The following CAPN14 variants were observed in gnomAD, a reference collection of about 807,000 sequenced individuals.
CAPN14 encodes the protein calpain 14.
A neutral mutation model predicts 101.3 loss-of-function variants in CAPN14; 94 were observed. That is an observed-to-expected ratio of 0.93 (90% confidence interval 0.79 to 1.10). The LOEUF is 1.10. Among genes scored for constraint, CAPN14 ranks in the 50% least tolerant of loss-of-function variants. The pLI, the probability that CAPN14 is intolerant of heterozygous loss-of-function variation, is 0.00. For synonymous variants in CAPN14, 338 were observed against 317.9 expected (o/e 1.06, Z -0.67); for missense variants, 837 against 828.4 (o/e 1.01, Z -0.13).
At chr2:31,215,923 C>T (rs10186955) in intron 1 of CAPN14, among the ~76,000 whole-genome samples, 86,341 of 151,170 alleles carry the variant, frequency 0.57, 25,646 homozygotes, top group East Asian at 0.94. Flanking sequence ...GATACAATTC[C>T]ATTCCTGGTT....
intron 2 of CAPN14, 69 bp downstream of exon 2, chr2:31,205,154 C>T: frequency 1.5e-6 from 2 of 1,358,770 alleles, no homozygotes; most frequent in African/African-American, 1.4e-5. Flanking sequence ...TCCCATATAT[C>T]TTAGGCGCAG....
Position 31,207,014 on chromosome 2 carries a change from AG to A in CAPN14, c.-52-1516del, listed in dbSNP as rs1682132727. On this transcript the variant is annotated intron_variant, in intron 1 of 21. Transcript: ENST00000403897. ...TGGTGCTATACAGGGAGATTTTATA[AG>A]GGCTGTATCCAGAACCCAGAGCCCT... 2.0e-5 allele frequency among the ~76,000 whole-genome samples: 3 copies of A among 152,174 alleles called. No individual in the cohort carries two copies. In the South Asian group the frequency reaches 6.2e-4, roughly 31 times the overall value.
chr2:31,231,993 A>G (rs1683208065), intron 1 of CAPN14, among the ~76,000 whole-genome samples: 2 of 152,172 alleles, frequency 1.3e-5, no homozygotes, highest in Non-Finnish European at 2.9e-5. Context: ...TCTCAACAAG[A>G]GATGATCAGT....
exon 1 of CAPN14, chr2:31,233,807 T>C (rs1233270606): frequency 2.6e-5 from 4 of 151,604 alleles, no homozygotes; most frequent in African/African-American, 7.3e-5. Flanking sequence ...TCCTAGGGAA[T>C]TGACCTCAGC....
At position 31,174,861 on chromosome 2, in the gene CAPN14, T is replaced by C. The variant is rs10180369; in HGVS notation, c.2029-154A>G. ...CATCCATTAGGAAGTATAAATCAACTTGAAATATAATCAACCTTGACTTCT... is the reference window on the plus strand; with the variant it reads ...CATCCATTAGGAAGTATAAATCAACCTGAAATATAATCAACCTTGACTTCT... On this transcript the variant is annotated intron_variant, in intron 21 of 21. Transcript: ENST00000403897. 0.34 allele frequency among the ~76,000 whole-genome samples: 52,145 copies of C among 152,126 alleles called. 10,513 individuals are homozygous for C. The highest frequency in any genetic ancestry group is 0.56 in the African/African-American group (23,095 of 41,464).
rs1384029212 is a variant in CAPN14 at position 31,202,046 on chromosome 2, T to C, written c.415-48A>G. On this transcript the variant is annotated intron_variant, in intron 4 of 21. Transcript: ENST00000403897. ...GGTGAATGAGGACTGCTGCAGATGGTGATCAGCCCAGAAGGTGAAGACATG... is the reference window on the plus strand; with the variant it reads ...GGTGAATGAGGACTGCTGCAGATGGCGATCAGCCCAGAAGGTGAAGACATG... 1.9e-6 allele frequency: 3 copies of C among 1,550,018 alleles called. No homozygotes were observed. The African/African-American group carries it at 4.1e-5, about 21-fold the overall frequency.
intron 16 of CAPN14, among the ~76,000 whole-genome samples, chr2:31,183,317 A>G (rs998517228): frequency 2.0e-5 from 3 of 152,230 alleles, no homozygotes; most frequent in African/African-American, 7.2e-5. Context: ...AATGGCAACA[A>G]AAGCCAAAAT....
intron 1 of CAPN14, among the ~76,000 whole-genome samples, chr2:31,205,859 G>A (rs1482370736): frequency 4.6e-5 from 7 of 152,068 alleles, no homozygotes; most frequent in South Asian, 4.2e-4. Flanking sequence ...CCCCTGGGCC[G>A]GAGGGTCCTG....
At chr2:31,176,326 T>C (rs140984320) in intron 21 of CAPN14, among the ~76,000 whole-genome samples, 118 of 152,366 alleles carry the variant, frequency 7.7e-4, no homozygotes, top group African/African-American at 2.6e-3. Context: ...TGCTGAAGTT[T>C]TGTAAATTTG....
chr2:31,178,861 G>C (rs1452338577), intron 17 of CAPN14, among the ~76,000 whole-genome samples: 2 of 151,980 alleles, frequency 1.3e-5, no homozygotes, highest in African/African-American at 2.4e-5. Flanking sequence ...CATTAAGGGA[G>C]GCAGAATTTT....
At chr2:31,208,834 T>A (rs940654740) in intron 1 of CAPN14, among the ~76,000 whole-genome samples, 34 of 152,140 alleles carry the variant, frequency 2.2e-4, no homozygotes, top group African/African-American at 7.2e-4. Context: ...ACTATGCAAA[T>A]AGATAGGTGA....
At position 31,184,038 on chromosome 2, in the gene CAPN14, C is replaced by T. The variant is rs549093308; in HGVS notation, c.1645+2390G>A. Reference sequence around the variant, plus strand: ...CTGGGATTACAGGAGCGCGCCACCACATCTGGCTAATTTTTCATATTTTTG... The same window carrying T: ...CTGGGATTACAGGAGCGCGCCACCATATCTGGCTAATTTTTCATATTTTTG... On this transcript the variant is annotated intron_variant, in intron 16 of 21. Transcript: ENST00000403897. 4.6e-5 allele frequency among the ~76,000 whole-genome samples: 7 copies of T among 152,252 alleles called. No homozygotes were observed. In the South Asian group the frequency reaches 1.0e-3, roughly 23 times the overall value.
rs541106648 is a variant in CAPN14 at position 31,211,806 on chromosome 2, G to A, written c.-53+5650C>T. ...ACTGTTCTATATTTTTGGACTCCTC[G>A]ATTAGTATGTATTACTTTTATCATG... On this transcript the variant is annotated intron_variant, in intron 1 of 21. Transcript: ENST00000403897. Among the ~76,000 whole-genome samples, 22 of 151,912 alleles carry A rather than the reference G, an allele frequency of 1.4e-4. No individual in the cohort carries two copies. In the South Asian group the frequency reaches 4.0e-3, roughly 27 times the overall value.
intron 1 of CAPN14, among the ~76,000 whole-genome samples, chr2:31,206,181 G>C (rs890390216): frequency 6.6e-6 from 1 of 151,796 alleles, no homozygotes. Context: ...TAGCAAGGCC[G>C]CAGGGGGTGC....
At chr2:31,198,169 C>G (rs561697005) in intron 7 of CAPN14, among the ~76,000 whole-genome samples, 1 of 152,344 alleles carries the variant, frequency 6.6e-6, no homozygotes, top group South Asian at 2.1e-4. Context: ...AGATGCATAT[C>G]TGGTTGCCTC....
chr2:31,189,298 C>T lies in CAPN14; in HGVS notation c.1468G>A (p.Val490Ile), dbSNP rs1317978458. 1 of 1,551,472 alleles carries T rather than the reference C, an allele frequency of 6.4e-7. No homozygotes were observed. Among genetic ancestry groups the T allele is most frequent in the Admixed American group, 2.0e-5 (1 of 51,010 alleles). Reference sequence around the variant, plus strand: ...TAAAAGATGTGCTTCCTGGAGAAGACCCTGAGGACGAACTCTGACTTCTGG... The same window carrying T: ...TAAAAGATGTGCTTCCTGGAGAAGATCCTGAGGACGAACTCTGACTTCTGG... ...AHQKSEFVLR[V>I]FSRKHIFYEI... The change falls in exon 13 of 22, where the codon GTC becomes ATC. Residue 490 changes from valine to isoleucine, a missense_variant. By Grantham distance (29) the Val-to-Ile change is conservative (BLOSUM62 3). Transcript: ENST00000403897.
Position 31,200,604 on chromosome 2 carries a change from G to C in CAPN14, c.573C>G (p.Asp191Glu), listed in dbSNP as rs1489722542. The C allele has an allele frequency of 6.4e-7, 1 of 1,550,568 alleles. No homozygotes were observed. The highest frequency in any genetic ancestry group is 8.7e-7 in the Non-Finnish European group (1 of 1,146,642). Residue 191 changes from aspartate (D) to glutamate (E), a missense_variant, in exon 6 of 22, where the codon GAC (aspartate) becomes GAG (glutamate). Transcript: ENST00000403897. ...CTTCAGACACCTGTCCTGACTGCAA[G>C]TCTTCATAGGAACCAGAGAGCCTGG... is the stretch of plus-strand genomic sequence containing the variant. ...AYAKLSGSYE[D>E]LQSGQVSEAL...
intron 12 of CAPN14, among the ~76,000 whole-genome samples, chr2:31,190,137 TTCTCTCTCTCTC>T (rs3031867): frequency 2.1e-5 from 3 of 142,684 alleles, no homozygotes; most frequent in East Asian, 4.1e-4. Flanking sequence ...CTGATTCATA[TTCTCTCTCTCTC>T]TCTCTCTCTC....
At chr2:31,178,459 C>T in intron 18 of CAPN14, 52 bp downstream of exon 18, 1 of 1,367,030 alleles carries the variant, frequency 7.3e-7, no homozygotes, top group Non-Finnish European at 1.0e-6. Context: ...CTTTGCAGAA[C>T]TGCCATTCCT....
Sources: gnomAD v4.1 joint callset for allele counts (sites outside exome capture counted in the v4.1 genomes callset) on GRCh38, gnomAD v4.1.1 for gene constraint, MANE v1.5 for transcripts, NCBI Gene and HGNC (gene_info 2026-07-23, HGNC 2026-07-21) for gene names.